CTNNA3: variants seen among roughly 807,000 people sequenced by gnomAD.
CTNNA3 encodes catenin alpha-3.
In CTNNA3, 76 loss-of-function variants were observed where a neutral mutation model predicts 95.7. That is an observed-to-expected ratio of 0.79 (90% CI 0.66 to 0.96). The LOEUF (loss-of-function observed/expected upper bound fraction) is 0.96, where lower values mean the gene tolerates loss of function less well. Among genes scored for constraint, CTNNA3 ranks in the 40% least tolerant of loss-of-function variants. The pLI, the probability that CTNNA3 is intolerant of heterozygous loss-of-function variation, is 0.00. For synonymous variants in CTNNA3, 431 were observed against 374.4 expected (o/e 1.15, Z -1.74); for missense variants, 1,191 against 1,089.8 (o/e 1.09, Z -1.31).
chr10:67,382,572 A>G (rs573178269), intron 5 of CTNNA3, among the ~76,000 whole-genome samples: 2 of 152,190 alleles, frequency 1.3e-5, no homozygotes, highest in Non-Finnish European at 2.9e-5. Context: ...GGCTCTCATC[A>G]TCTGCTATAA....
chr10:67,327,122 G>A (rs1456058175), intron 5 of CTNNA3, among the ~76,000 whole-genome samples: 2 of 152,106 alleles, frequency 1.3e-5, no homozygotes, highest in African/African-American at 2.4e-5. Context: ...GTCAGCTCCT[G>A]CATCATTTTA....
chr10:65,944,856 C>A (rs2077486302), intron 17 of CTNNA3, among the ~76,000 whole-genome samples: 2 of 44,956 alleles, frequency 4.4e-5, no homozygotes, highest in Admixed American at 2.0e-4. Context: ...AAATATCTGT[C>A]TATCTATCTA....
chr10:67,088,277 C>G (rs1274477592), intron 7 of CTNNA3, among the ~76,000 whole-genome samples: 5 of 151,588 alleles, frequency 3.3e-5, no homozygotes, highest in African/African-American at 7.3e-5. Context: ...ATTCAGCAAA[C>G]CTTCACTGAA....
rs560797432 is a variant in CTNNA3, at chr10:67,716,882, T to C, written c.-2+46552A>G. On this transcript the variant is annotated intron_variant, in intron 1 of 17. Transcript: ENST00000684154. ...AAATGGTATTTCTGGTTCTAGATCC[T>C]TGAGGAATCGCCACACTGTCTTCCA... 5.3e-5 allele frequency among the ~76,000 whole-genome samples: 8 copies of C among 152,314 alleles called. No homozygotes were observed. The South Asian group carries it at 1.7e-3, about 32-fold the overall frequency.
chr10:65,975,142 A>C (rs1009229584), intron 16 of CTNNA3, among the ~76,000 whole-genome samples: 1 of 152,182 alleles, frequency 6.6e-6, no homozygotes, highest in South Asian at 2.1e-4. Context: ...GATAATAATC[A>C]ACAAAGGTAG....
chr10:66,616,237 T>C (rs1844508159), intron 10 of CTNNA3, among the ~76,000 whole-genome samples: 1 of 152,044 alleles, frequency 6.6e-6, no homozygotes, highest in Non-Finnish European at 1.5e-5. Context: ...CTTGGTCAAC[T>C]AGTCACTCTC....
At chr10:67,232,038 G>C (rs1440131896) in intron 5 of CTNNA3, among the ~76,000 whole-genome samples, 2 of 152,102 alleles carry the variant, frequency 1.3e-5, no homozygotes, top group Non-Finnish European at 2.9e-5. Flanking sequence ...CGTCTGATTG[G>C]TGTACCTGAA....
rs569684878 is a variant in CTNNA3, at chr10:67,184,131, C to T, written c.844-3611G>A. On this transcript the variant is annotated intron_variant, in intron 6 of 17. Coordinates refer to ENST00000433211, the MANE Select transcript of CTNNA3 (RefSeq NM_013266.4). ...GCTTTCCTAAGCATTTTTCTGCTAA[C>T]GCTTTGGCCAACTTTCTTAAAACAC... Among the ~76,000 whole-genome samples the T allele has an allele frequency of 5.3e-5, 8 of 152,312 alleles. No homozygotes were observed. The East Asian group carries it at 1.2e-3, about 22-fold the overall frequency.
At chr10:66,514,099 C>G (rs1235483071) in intron 11 of CTNNA3, among the ~76,000 whole-genome samples, 1 of 152,106 alleles carries the variant, frequency 6.6e-6, no homozygotes, top group Admixed American at 6.6e-5. Flanking sequence ...GGTCAAAGAA[C>G]ATTGTGATGA....
chr10:67,659,362 T>C (rs1040569387), intron 1 of CTNNA3, among the ~76,000 whole-genome samples: 1 of 152,158 alleles, frequency 6.6e-6, no homozygotes, highest in Non-Finnish European at 1.5e-5. Context: ...AACATGTCAG[T>C]TCATACTAAA....
intron 5 of CTNNA3, among the ~76,000 whole-genome samples, chr10:67,369,838 A>G (rs1442675233): frequency 6.6e-6 from 1 of 152,210 alleles, no homozygotes; most frequent in East Asian, 1.9e-4. Flanking sequence ...GCATGCAGGT[A>G]TTCTCATACA....
chr10:67,720,241 T>C (rs1841172292), intron 1 of CTNNA3, among the ~76,000 whole-genome samples: 1 of 149,986 alleles, frequency 6.7e-6, no homozygotes. Flanking sequence ...CCTGAATGTA[T>C]TCAGGTGTAT....
At chr10:66,847,305 A>G (rs889610210) in intron 7 of CTNNA3, among the ~76,000 whole-genome samples, 1 of 152,208 alleles carries the variant, frequency 6.6e-6, no homozygotes, top group African/African-American at 2.4e-5. Context: ...TTTCAGGGCT[A>G]TATCTATCAT....
chr10:66,940,147 T>C (rs1229192539), intron 7 of CTNNA3, among the ~76,000 whole-genome samples: 3 of 152,130 alleles, frequency 2.0e-5, no homozygotes, highest in Non-Finnish European at 2.9e-5. Context: ...AGCGCATAGT[T>C]TGAAAAGATG....
intron 11 of CTNNA3, among the ~76,000 whole-genome samples, chr10:66,401,177 T>C (rs761601689): frequency 6.6e-6 from 1 of 152,086 alleles, no homozygotes; most frequent in Non-Finnish European, 1.5e-5. Flanking sequence ...TCCTCATTAA[T>C]AAAATGGGGT....
intron 7 of CTNNA3, among the ~76,000 whole-genome samples, chr10:66,810,503 T>C (rs1042313594): frequency 6.6e-6 from 1 of 152,158 alleles, no homozygotes; most frequent in Non-Finnish European, 1.5e-5. Flanking sequence ...AGATCTCCCA[T>C]CCATTGACTT....
At chr10:66,670,159 G>A (rs987741548) in intron 9 of CTNNA3, among the ~76,000 whole-genome samples, 1 of 151,996 alleles carries the variant, frequency 6.6e-6, no homozygotes, top group Non-Finnish European at 1.5e-5. Flanking sequence ...GGGGGGATAC[G>A]CATTAGTTCA....
At chr10:66,747,187 A>C (rs1446811396) in intron 9 of CTNNA3, among the ~76,000 whole-genome samples, 3 of 152,186 alleles carry the variant, frequency 2.0e-5, no homozygotes, top group African/African-American at 7.2e-5. Flanking sequence ...AAGCTTAGAA[A>C]GTATATATTG....
intron 13 of CTNNA3, among the ~76,000 whole-genome samples, chr10:66,269,937 G>A (rs1180783724): frequency 1.3e-5 from 2 of 152,142 alleles, no homozygotes; most frequent in Non-Finnish European, 2.9e-5. Context: ...GACATGTACT[G>A]TGCATTCATA....
Sources: allele counts gnomAD v4.1 joint callset (sites outside exome capture counted in the v4.1 genomes callset), GRCh38; gene constraint gnomAD v4.1.1; transcripts MANE v1.5; gene names NCBI Gene and HGNC (gene_info 2026-07-23, HGNC 2026-07-21).